Variants in FST observed in about 807,000 individuals in gnomAD.
FST encodes the protein activin-binding protein.
In FST, 6 loss-of-function variants were observed where a neutral mutation model predicts 38.4. The ratio of observed to expected loss-of-function variants is 0.16; its 90% CI spans 0.09 to 0.31. The LOEUF (loss-of-function observed/expected upper bound fraction) is 0.31. FST is among the 10% of genes least tolerant of loss of function. The probability of loss-of-function intolerance (pLI) is 1.00; values close to 1 mark genes in which losing one functional copy is unlikely to be tolerated. For synonymous variants in FST, 157 were observed against 169.8 expected (o/e 0.92, Z 0.59); for missense variants, 301 against 432.3 (o/e 0.70, Z 2.69).
At chr5:53,484,353 G>A (rs1445633970) in intron 4 of FST, 60 bp downstream of exon 4, 11 of 1,548,830 alleles carry the variant, frequency 7.1e-6, no homozygotes, top group Non-Finnish European at 9.6e-6. Flanking sequence ...TTATTAAACT[G>A]TGGGGTTAAC....
Position 53,486,072 on chromosome 5 carries a change from CAAAAAA to C in FST, c.*55_*60del, listed in dbSNP as rs3083659. On this transcript the variant is annotated 3_prime_UTR_variant, in exon 6 of 6. Coordinates refer to ENST00000256759, the MANE Select transcript of FST (RefSeq NM_013409.3). The stretch of plus-strand genomic sequence containing the variant: ...GTTCAGTGTTGACATAGCCTTTGTG[CAAAAAA>C]AAAAAAAAAAAAAAAGAAAAAGAAA... 0.025 allele frequency: 6,600 copies of C among 262,214 alleles called. No individual in the cohort carries two copies. The highest frequency in any genetic ancestry group is 0.029 in the Non-Finnish European group (4,673 of 159,744). The allele number at this position is 262,214 out of a possible 1,614,324, so 16.2% of individuals were successfully genotyped here.
rs1747355237 is a variant in FST at position 53,483,344 on chromosome 5, C to G, written c.278-160C>G. Among the ~76,000 whole-genome samples, 1 of 152,162 alleles carries G rather than the reference C, an allele frequency of 6.6e-6. No individual in the cohort carries two copies. The highest frequency in any genetic ancestry group is 2.4e-5 in the African/African-American group (1 of 41,446). On this transcript the variant is annotated intron_variant, in intron 2 of 5. Coordinates refer to ENST00000256759, the MANE Select transcript of FST (RefSeq NM_013409.3). The surrounding 1 kb of genome is among the most constrained non-coding windows in gnomAD (Gnocchi z 4.1). ...CTGGGTGTGGGGCACAGCCCAAGGTCCACACTCTTTCACCAACTCCCAATA... is the reference window on the plus strand; with the variant it reads ...CTGGGTGTGGGGCACAGCCCAAGGTGCACACTCTTTCACCAACTCCCAATA...
Position 53,484,987 on chromosome 5 carries a change from T to G in FST, c.722-10T>G, listed in dbSNP as rs1351851950. The stretch of plus-strand genomic sequence containing the variant: ...ATCAGTTTACTCATCACAGATGTAT[T>G]ATATCCTAGAAGCAAAGTCCTGTGA... On this transcript the variant is annotated splice_polypyrimidine_tract_variant and intron_variant, in intron 4 of 5. Coordinates refer to ENST00000256759, the MANE Select transcript of FST (RefSeq NM_013409.3). 1 of 1,387,210 alleles carries G rather than the reference T, an allele frequency of 7.2e-7. No homozygotes were observed. Among genetic ancestry groups the G allele is most frequent in the East Asian group, 2.3e-5 (1 of 43,896 alleles). The allele number at this position is 1,387,210 out of a possible 1,614,324, so 85.9% of individuals were successfully genotyped here. A position where few individuals can be genotyped will look rare whatever the true frequency, so the allele number is the denominator to read the frequency against.
chr5:53,483,666 A>T lies in FST; in HGVS notation c.440A>T (p.Lys147Met). ...TACCGCAATGAATGTGCACTCCTAA[A>T]GGCAAGATGTAAAGAGCAGCCAGAA... ...KTYRNECALL[K>M]ARCKEQPELE... is the part of the protein sequence containing the mutation. The change falls in exon 3 of 6, where the codon AAG (lysine) becomes ATG (methionine). Residue 147 changes from lysine to methionine, a missense_variant. Lys to Met is a moderately conservative substitution (Grantham distance 95). Coordinates refer to ENST00000256759, the MANE Select transcript of FST (RefSeq NM_013409.3). This position sits in a 1 kb window ranked among gnomAD's most constrained non-coding sequence, Gnocchi z 4.1. 6.2e-7 allele frequency: 1 copy of T among 1,614,206 alleles called. No homozygotes were observed. The highest frequency in any genetic ancestry group is 2.2e-5 in the East Asian group (1 of 44,882).
chr5:53,480,816 G>A lies in FST; in HGVS notation c.25G>A (p.Gly9Ser). Residue 9 changes from glycine to serine, a missense_variant, in exon 1 of 6, where the codon GGT becomes AGT. By Grantham distance (56) the Gly-to-Ser change is moderately conservative. Coordinates refer to ENST00000256759, the MANE Select transcript of FST (RefSeq NM_013409.3). ...GATGGTCCGCGCGAGGCACCAGCCGGGTGGGCTTTGCCTCCTGCTGCTGCT... is the reference window on the plus strand; with the variant it reads ...GATGGTCCGCGCGAGGCACCAGCCGAGTGGGCTTTGCCTCCTGCTGCTGCT... Reference protein sequence around the residue: MVRARHQPGGLCLLLLLLC... With the variant: MVRARHQPSGLCLLLLLLC... The A allele has an allele frequency of 6.6e-7, 1 of 1,525,364 alleles. No individual in the cohort carries two copies. The highest frequency in any genetic ancestry group is 1.2e-5 in the South Asian group (1 of 81,428). The allele number at this position is 1,525,364 out of a possible 1,614,324, so 94.5% of individuals were successfully genotyped here.
intron 4 of FST, 77 bp from the exon 5 acceptor site, chr5:53,484,920 G>T: frequency 1.3e-6 from 1 of 741,324 alleles, no homozygotes; most frequent in Non-Finnish European, 2.5e-6. Context: ...TATATTTATT[G>T]ATAGAGGACT....
intron 5 of FST, 126 bp downstream of exon 5, chr5:53,485,353 T>C (rs1224020970): frequency 1.6e-6 from 1 of 638,646 alleles, no homozygotes; most frequent in African/African-American, 1.8e-5. Flanking sequence ...AGCTGCTAAG[T>C]ATCACCAGCA....
rs1380551236 is a variant in FST at position 53,486,100 on chromosome 5, G to GAA, written c.*73_*74dup. The GAA allele has an allele frequency of 1.3e-6, 1 of 764,072 alleles. No individual in the cohort carries two copies. The highest frequency in any genetic ancestry group is 2.1e-6 in the Non-Finnish European group (1 of 483,760). The allele number at this position is 764,072 out of a possible 1,614,324, so 47.3% of individuals were successfully genotyped here. The stretch of plus-strand genomic sequence containing the variant: ...AAAAAAAAAAAAAAAAAAAGAAAAA[G>GAA]AAAAAAAGAAAAATATATTGTCCAT... On this transcript the variant is annotated 3_prime_UTR_variant, in exon 6 of 6. Coordinates refer to ENST00000256759, the MANE Select transcript of FST (RefSeq NM_013409.3).
In FST at chr5:53,483,483, A is replaced by G; in HGVS notation, c.278-21A>G. ...GACTGCCTGGCTCTGGTTTTAATCC[A>G]TGCCTGTTTCTAACTCACAGAAACG... is the stretch of plus-strand genomic sequence containing the variant. On this transcript the variant is annotated intron_variant, in intron 2 of 5. Transcript: ENST00000256759. This position sits in a 1 kb window ranked among gnomAD's most constrained non-coding sequence, Gnocchi z 4.1. The G allele has an allele frequency of 6.3e-7, 1 of 1,592,524 alleles. No individual in the cohort carries two copies. The highest frequency in any genetic ancestry group is 8.6e-7 in the Non-Finnish European group (1 of 1,160,874).
chr5:53,486,068 T>C lies in FST; in HGVS notation c.*35T>C, dbSNP rs1448060132. On this transcript the variant is annotated 3_prime_UTR_variant, in exon 6 of 6. Transcript: ENST00000256759. The stretch of plus-strand genomic sequence containing the variant: ...AAGTGTTCAGTGTTGACATAGCCTT[T>C]GTGCAAAAAAAAAAAAAAAAAAAAA... The C allele has an allele frequency of 5.4e-6, 4 of 736,416 alleles. No individual in the cohort carries two copies. The highest frequency in any genetic ancestry group is 2.1e-5 in the African/African-American group (1 of 47,344). The allele number at this position is 736,416 out of a possible 1,614,324, so 45.6% of individuals were successfully genotyped here. A position where few individuals can be genotyped will look rare whatever the true frequency, so the allele number is the denominator to read the frequency against.
intron 5 of FST, chr5:53,485,554 T>A (rs951405718): frequency 1.4e-6 from 1 of 728,714 alleles, no homozygotes; most frequent in East Asian, 2.5e-5. Flanking sequence ...AAGTTTTTTT[T>A]TTTTTTTTCC....
chr5:53,485,814 C>T, intron 5 of FST, 137 bp from the exon 6 acceptor site: 2 of 1,595,130 alleles, frequency 1.3e-6, no homozygotes, highest in Non-Finnish European at 1.7e-6. Flanking sequence ...ACAAAAAAAG[C>T]ATCTCACTGC....
intron 4 of FST, 113 bp downstream of exon 4, chr5:53,484,406 A>T: frequency 9.4e-7 from 1 of 1,063,152 alleles, no homozygotes; most frequent in Non-Finnish European, 1.3e-6. Context: ...CATAGGGAGA[A>T]ATACGCTGCA....
Position 53,483,436 on chromosome 5 carries a change from A to T in FST, c.278-68A>T. 7.8e-7 allele frequency: 1 copy of T among 1,278,206 alleles called. No individual in the cohort carries two copies. The highest frequency in any genetic ancestry group is 1.1e-6 in the Non-Finnish European group (1 of 886,518). The allele number at this position is 1,278,206 out of a possible 1,614,324, so 79.2% of individuals were successfully genotyped here. The stretch of plus-strand genomic sequence containing the variant: ...GCTGCATGATTGCGCAAGGCACCCG[A>T]AGCCCTCCTGGCTGACCTGCAGACT... On this transcript the variant is annotated intron_variant, in intron 2 of 5. Transcript: ENST00000256759. This position sits in a 1 kb window ranked among gnomAD's most constrained non-coding sequence, Gnocchi z 4.1.
Position 53,481,462 on chromosome 5 carries a change from C to CAAAAAAAAAAAAAA in FST, c.85+597_85+610dup, listed in dbSNP as rs70983342. ...CTTCCAACCCCATCCCCCATTCTCG[C>CAAAAAAAAAAAAAA]AAAAAAAAAAAAAAAAAAAAAAAAG... On this transcript the variant is annotated intron_variant, in intron 1 of 5. Transcript: ENST00000256759. 7.9e-4 allele frequency among the ~76,000 whole-genome samples: 38 copies of CAAAAAAAAAAAAAA among 48,066 alleles called. 7 individuals carry two copies. The highest frequency in any genetic ancestry group is 1.8e-3 in the African/African-American group (16 of 8,658). The allele number at this position is 48,066 out of a possible 152,430, so 31.5% of individuals were successfully genotyped here. A position where few individuals can be genotyped will look rare whatever the true frequency, so the allele number is the denominator to read the frequency against.
rs868716114 is a variant in FST, at chr5:53,482,985, C to T, written c.191C>T (p.Ser64Leu). 8.7e-6 allele frequency: 14 copies of T among 1,613,616 alleles called. No individual in the cohort carries two copies. The highest frequency in any genetic ancestry group is 1.1e-5 in the Non-Finnish European group (13 of 1,179,628). Reference sequence around the variant, plus strand: ...TGCAGCACCGGCCGGCTGAGCACCTCGTGGACCGAGGAGGACGTGAATGAC... The same window carrying T: ...TGCAGCACCGGCCGGCTGAGCACCTTGTGGACCGAGGAGGACGTGAATGAC... ...ECCSTGRLSTSWTEEDVNDNT... is the reference protein window; with the variant it reads ...ECCSTGRLSTLWTEEDVNDNT... Residue 64 changes from serine (S) to leucine (L), a missense_variant, in exon 2 of 6, where the codon TCG becomes TTG. Transcript: ENST00000256759.
chr5:53,486,050 C>G lies in FST; in HGVS notation c.*17C>G, dbSNP rs547323433. Reference sequence around the variant, plus strand: ...GAGTGGTAAACTCTCTATAAGTGTTCAGTGTTGACATAGCCTTTGTGCAAA... The same window carrying G: ...GAGTGGTAAACTCTCTATAAGTGTTGAGTGTTGACATAGCCTTTGTGCAAA... On this transcript the variant is annotated 3_prime_UTR_variant, in exon 6 of 6. Coordinates refer to ENST00000256759, the MANE Select transcript of FST (RefSeq NM_013409.3). The G allele has an allele frequency of 1.7e-6, 1 of 575,390 alleles. No homozygotes were observed. Among genetic ancestry groups the G allele is most frequent in the African/African-American group, 2.7e-5 (1 of 36,954 alleles). The allele number at this position is 575,390 out of a possible 1,614,324, so 35.6% of individuals were successfully genotyped here.
At position 53,485,912 on chromosome 5, in the gene FST, C is replaced by T. The variant is rs761046206; in HGVS notation, c.953-39C>T. On this transcript the variant is annotated intron_variant, in intron 5 of 5. Coordinates refer to ENST00000256759, the MANE Select transcript of FST (RefSeq NM_013409.3). ...GAGCTGCTTCTGCGCTGTTGTTGTCCGTATTTAAACAACAGCTCCCCTGTA... is the reference window on the plus strand; with the variant it reads ...GAGCTGCTTCTGCGCTGTTGTTGTCTGTATTTAAACAACAGCTCCCCTGTA... The T allele has an allele frequency of 1.7e-5, 28 of 1,603,552 alleles. 1 individual carries two copies. Among genetic ancestry groups the T allele is most frequent in the South Asian group, 1.0e-4 (9 of 88,692 alleles).
chr5:53,484,740 C>G (rs1173326506), intron 4 of FST, among the ~76,000 whole-genome samples: 4 of 151,894 alleles, frequency 2.6e-5, no homozygotes, highest in Non-Finnish European at 5.9e-5. Flanking sequence ...AAAAAAATAC[C>G]CTTTTAATGC....
Sources: allele counts gnomAD v4.1 joint callset (sites outside exome capture counted in the v4.1 genomes callset), GRCh38; gene constraint gnomAD v4.1.1; non-coding constraint Gnocchi (gnomAD v3.1); transcripts MANE v1.5; gene names NCBI Gene and HGNC (gene_info 2026-07-23, HGNC 2026-07-21).